Variants in CCSER1 observed in about 807,000 individuals in gnomAD.
CCSER1 encodes serine-rich coiled-coil domain-containing protein 1.
A neutral mutation model predicts 82.0 loss-of-function variants in CCSER1; 41 were observed. The ratio of observed to expected loss-of-function variants is 0.50; its 90% CI spans 0.39 to 0.65. CCSER1 has a LOEUF of 0.65. CCSER1 is among the 30% of genes least tolerant of loss of function. The pLI is 0.00. For missense variants in CCSER1, 1,119 were observed against 1,064.2 expected (o/e 1.05, Z -0.72); for synonymous variants, 414 against 383.9 (o/e 1.08, Z -0.92).
chr4:90,893,396 C>CA (rs1723224000), intron 8 of CCSER1, among the ~76,000 whole-genome samples: 1 of 152,002 alleles, frequency 6.6e-6, no homozygotes, highest in African/African-American at 2.4e-5. Flanking sequence ...TGTCAGCCCC[C>CA]ACATACTTTC....
At position 90,244,724 on chromosome 4, in the gene CCSER1, C is replaced by T. The variant is rs568648234; in HGVS notation, c.-41-63520C>T. 2.0e-4 allele frequency among the ~76,000 whole-genome samples: 31 copies of T among 152,264 alleles called. 1 individual carries two copies. Among genetic ancestry groups the T allele is most frequent in the Admixed American group, 1.8e-3 (28 of 15,284 alleles). ...TATTATGAGAACAGCATGGGGAAAC[C>T]GCCCCCATAATCCAGTCACTTCCTA... is the stretch of plus-strand genomic sequence containing the variant. On this transcript the variant is annotated intron_variant, in intron 1 of 10. Transcript: ENST00000509176.
chr4:90,414,700 A>T (rs1755529667), intron 4 of CCSER1, among the ~76,000 whole-genome samples: 1 of 151,954 alleles, frequency 6.6e-6, no homozygotes, highest in Non-Finnish European at 1.5e-5. Context: ...ATATTTTTTT[A>T]AAAAGGGGTT....
intron 10 of CCSER1, among the ~76,000 whole-genome samples, chr4:91,488,520 G>T (rs1758341145): frequency 6.6e-6 from 1 of 152,138 alleles, no homozygotes; most frequent in Admixed American, 6.6e-5. Flanking sequence ...CTGGTGGGAG[G>T]TGATCAGATC....
intron 4 of CCSER1, among the ~76,000 whole-genome samples, chr4:90,460,889 G>T (rs1762811184): frequency 6.6e-6 from 1 of 152,000 alleles, no homozygotes; most frequent in Admixed American, 6.6e-5. Context: ...GAAATGAAGT[G>T]TTAACATTTC....
chr4:90,147,725 T>G (rs1048027237), intron 1 of CCSER1, among the ~76,000 whole-genome samples: 5 of 152,212 alleles, frequency 3.3e-5, no homozygotes, highest in African/African-American at 1.2e-4. Flanking sequence ...TTTCACATTT[T>G]TATTCTAAAA....
At chr4:90,318,368 A>AAG (rs1365249431) in intron 3 of CCSER1, among the ~76,000 whole-genome samples, 6 of 152,170 alleles carry the variant, frequency 3.9e-5, no homozygotes, top group Admixed American at 3.9e-4. Flanking sequence ...TACTCAGCAA[A>AAG]TGCATTTGCA....
At chr4:91,431,007 T>C (rs1467597616) in intron 10 of CCSER1, among the ~76,000 whole-genome samples, 1 of 151,784 alleles carries the variant, frequency 6.6e-6, no homozygotes, top group African/African-American at 2.4e-5. Context: ...GAGGCGGAGG[T>C]GGGCGGATAA....
intron 9 of CCSER1, among the ~76,000 whole-genome samples, chr4:91,074,235 A>AT (rs1183282816): frequency 6.6e-6 from 1 of 152,122 alleles, no homozygotes; most frequent in Non-Finnish European, 1.5e-5. Context: ...ATAACATGTG[A>AT]TAAGGCTATG....
intron 1 of CCSER1, among the ~76,000 whole-genome samples, chr4:90,193,576 A>G (rs1325613200): frequency 8.3e-6 from 1 of 119,886 alleles, no homozygotes; most frequent in Non-Finnish European, 1.8e-5. Context: ...TGAGCACCAT[A>G]TTACCTAGTT....
At position 90,191,294 on chromosome 4, in the gene CCSER1, A is replaced by G. The variant is rs185394948; in HGVS notation, c.-42+63463A>G. Among the ~76,000 whole-genome samples, 16 of 149,352 alleles carry G rather than the reference A, an allele frequency of 1.1e-4. No individual in the cohort carries two copies. The East Asian group carries it at 2.7e-3, about 25-fold the overall frequency. ...ATAACTGCATTGTAACAATCTGAGTATGGGGGCGGGGGGTATAAAACCTGG... is the reference window on the plus strand; with the variant it reads ...ATAACTGCATTGTAACAATCTGAGTGTGGGGGCGGGGGGTATAAAACCTGG... On this transcript the variant is annotated intron_variant, in intron 1 of 10. Coordinates refer to ENST00000509176, the MANE Select transcript of CCSER1 (RefSeq NM_001145065.2).
chr4:90,610,939 C>A (rs544316200), intron 5 of CCSER1, among the ~76,000 whole-genome samples: 1 of 151,920 alleles, frequency 6.6e-6, no homozygotes, highest in South Asian at 2.1e-4. Context: ...AGTGCAATAG[C>A]GTGATCTTGG....
chr4:91,538,963 A>G (rs903891854), intron 10 of CCSER1, among the ~76,000 whole-genome samples: 3 of 151,882 alleles, frequency 2.0e-5, no homozygotes, highest in Non-Finnish European at 4.4e-5. Context: ...GCCTAAGCCC[A>G]TTTACCCTTG....
At chr4:90,645,408 C>T (rs1727381423) in intron 6 of CCSER1, among the ~76,000 whole-genome samples, 1 of 152,128 alleles carries the variant, frequency 6.6e-6, no homozygotes, top group Non-Finnish European at 1.5e-5. Flanking sequence ...TGAAGCCAAA[C>T]AATTTTAATT....
At chr4:90,772,482 C>T (rs2149571950) in intron 7 of CCSER1, among the ~76,000 whole-genome samples, 1 of 152,238 alleles carries the variant, frequency 6.6e-6, no homozygotes, top group East Asian at 1.9e-4. Flanking sequence ...CTTACAGTCA[C>T]TACTGGAACA....
chr4:91,544,242 T>A (rs1761763427), intron 10 of CCSER1, among the ~76,000 whole-genome samples: 1 of 152,150 alleles, frequency 6.6e-6, no homozygotes, highest in South Asian at 2.1e-4. Context: ...TAGCAATGGG[T>A]CCGAACATCC....
At chr4:91,208,562 C>G (rs917472311) in intron 10 of CCSER1, among the ~76,000 whole-genome samples, 21 of 151,926 alleles carry the variant, frequency 1.4e-4, no homozygotes, top group African/African-American at 4.8e-4. Flanking sequence ...TTTTTGGGCT[C>G]TCCATTTTGT....
chr4:91,512,734 G>A (rs772094057), intron 10 of CCSER1, among the ~76,000 whole-genome samples: 9 of 152,066 alleles, frequency 5.9e-5, no homozygotes, highest in Non-Finnish European at 1.3e-4. Flanking sequence ...ATTGTAAATA[G>A]GATTGTATTC....
chr4:90,672,519 A>C (rs960920683), intron 6 of CCSER1, among the ~76,000 whole-genome samples: 2 of 152,006 alleles, frequency 1.3e-5, no homozygotes, highest in Non-Finnish European at 2.9e-5. Flanking sequence ...TCTTCTATTG[A>C]GATCACAACT....
chr4:90,942,251 C>G (rs1172875244), intron 9 of CCSER1, among the ~76,000 whole-genome samples: 1 of 152,102 alleles, frequency 6.6e-6, no homozygotes, highest in African/African-American at 2.4e-5. Context: ...CTACGCCCAG[C>G]TGGGAAATAT....
Sources: gnomAD v4.1 joint callset for allele counts (sites outside exome capture counted in the v4.1 genomes callset) on GRCh38, gnomAD v4.1.1 for gene constraint, MANE v1.5 for transcripts, NCBI Gene and HGNC (gene_info 2026-07-23, HGNC 2026-07-21) for gene names.